RBM19: variants seen among roughly 807,000 people sequenced by gnomAD.
RBM19 encodes the protein probable RNA-binding protein 19.
In RBM19, 94 loss-of-function variants were observed where a neutral mutation model predicts 116.8. That is an observed-to-expected ratio of 0.80 (90% CI 0.68 to 0.95). The LOEUF (loss-of-function observed/expected upper bound fraction) is 0.95, where lower values mean the gene tolerates loss of function less well. Among genes scored for constraint, RBM19 ranks in the 40% least tolerant of loss-of-function variants. The probability of loss-of-function intolerance (pLI) is 0.00; values close to 1 mark genes in which losing one functional copy is unlikely to be tolerated. For synonymous variants in RBM19, 475 were observed against 494.1 expected (o/e 0.96, Z 0.51); for missense variants, 1,161 against 1,220.7 (o/e 0.95, Z 0.73).
intron 21 of RBM19, among the ~76,000 whole-genome samples, chr12:113,880,619 C>A (rs1593526451): frequency 6.6e-6 from 1 of 152,264 alleles, no homozygotes; most frequent in South Asian, 2.1e-4. Flanking sequence ...ACCTGACACT[C>A]CCCCTGCCTT....
intron 22 of RBM19, among the ~76,000 whole-genome samples, chr12:113,853,798 C>T (rs1877661196): frequency 6.6e-6 from 1 of 152,196 alleles, no homozygotes; most frequent in Non-Finnish European, 1.5e-5. Context: ...GTAGAGTGTG[C>T]TAGTGGGGGC....
rs375070506 is a variant in RBM19, at chr12:113,962,425, G to T, written c.37-11C>A. 1 of 1,610,646 alleles carries T rather than the reference G, an allele frequency of 6.2e-7. No individual in the cohort carries two copies. Among genetic ancestry groups the T allele is most frequent in the Non-Finnish European group, 8.5e-7 (1 of 1,177,200 alleles). ...ACGCTCCTCCTTCATCTAGGACAGA[G>T]GGAAAGGAATGAGAGACGAACTGGA... is the stretch of plus-strand genomic sequence containing the variant. On this transcript the variant is annotated splice_polypyrimidine_tract_variant and intron_variant, in intron 1 of 23. Coordinates refer to ENST00000261741, the MANE Select transcript of RBM19 (RefSeq NM_016196.4).
intron 22 of RBM19, among the ~76,000 whole-genome samples, chr12:113,856,801 AGG>A (rs1877942259): frequency 6.6e-6 from 1 of 152,184 alleles, no homozygotes; most frequent in Non-Finnish European, 1.5e-5. Context: ...GCCCGTATGT[AGG>A]GGCCAGGCCC....
intron 21 of RBM19, among the ~76,000 whole-genome samples, chr12:113,889,467 G>C (rs1295866525): frequency 6.6e-6 from 1 of 152,064 alleles, no homozygotes; most frequent in Non-Finnish European, 1.5e-5. Flanking sequence ...GGGAAATTTT[G>C]GGGGTAGCAA....
chr12:113,847,402 T>C (rs1877090181), intron 22 of RBM19, among the ~76,000 whole-genome samples: 1 of 152,202 alleles, frequency 6.6e-6, no homozygotes, highest in Non-Finnish European at 1.5e-5. Flanking sequence ...TCTGCATTTT[T>C]TTCCATGTGG....
At chr12:113,881,296 C>T (rs965530649) in intron 21 of RBM19, among the ~76,000 whole-genome samples, 9 of 152,186 alleles carry the variant, frequency 5.9e-5, no homozygotes, top group Admixed American at 3.3e-4. Flanking sequence ...AATAATTTAA[C>T]GATCTGTCGT....
chr12:113,910,629 G>A (rs959207264), intron 21 of RBM19, among the ~76,000 whole-genome samples: 7 of 152,296 alleles, frequency 4.6e-5, no homozygotes, highest in African/African-American at 1.4e-4. Context: ...CACCGTTACT[G>A]TCTGTACCCT....
rs1346209635 is a variant in RBM19 at position 113,942,438 on chromosome 12, T to C, written c.1627-4A>G. On this transcript the variant is annotated splice_polypyrimidine_tract_variant and splice_region_variant and intron_variant, in intron 13 of 23. Transcript: ENST00000261741. ...CGGCCACGCTGCCCTTGGTCTCCTG[T>C]GGAAGAGGAAAGGAAGAGTTCTGGT... is the stretch of plus-strand genomic sequence containing the variant. 4 of 1,601,522 alleles carry C rather than the reference T, an allele frequency of 2.5e-6. No individual in the cohort carries two copies. Among genetic ancestry groups the C allele is most frequent in the East Asian group, 2.2e-5 (1 of 44,614 alleles).
chr12:113,912,164 C>T (rs898440607), intron 21 of RBM19, among the ~76,000 whole-genome samples: 2 of 152,298 alleles, frequency 1.3e-5, no homozygotes, highest in South Asian at 2.1e-4. Context: ...ACTGCTGCCT[C>T]GGGCTAGGAG....
intron 23 of RBM19, among the ~76,000 whole-genome samples, chr12:113,828,534 G>A (rs932981448): frequency 6.6e-6 from 1 of 152,038 alleles, no homozygotes; most frequent in Non-Finnish European, 1.5e-5. Context: ...ACAGGTGGGC[G>A]AGGGGAGGAA....
At chr12:113,915,509 G>T (rs1345318432) in intron 20 of RBM19, among the ~76,000 whole-genome samples, 1 of 152,286 alleles carries the variant, frequency 6.6e-6, no homozygotes, top group Middle Eastern at 3.4e-3. Flanking sequence ...CCATGCAGAT[G>T]GACCAGGTGG....
intron 21 of RBM19, among the ~76,000 whole-genome samples, chr12:113,878,372 T>TTA (rs1392355829): frequency 6.6e-6 from 1 of 152,176 alleles, no homozygotes; most frequent in African/African-American, 2.4e-5. Flanking sequence ...CAATTGGTAA[T>TTA]TAGGGAGGTT....
chr12:113,830,378 A>G (rs1240135447), intron 23 of RBM19, among the ~76,000 whole-genome samples: 1 of 151,926 alleles, frequency 6.6e-6, no homozygotes, highest in African/African-American at 2.4e-5. Context: ...GATGTTATTA[A>G]TCTTGGTGCT....
intron 23 of RBM19, among the ~76,000 whole-genome samples, chr12:113,831,808 G>C (rs527826063): frequency 2.6e-5 from 4 of 152,320 alleles, no homozygotes; most frequent in Non-Finnish European, 5.9e-5. Flanking sequence ...CCAAAACACC[G>C]CCCAGCGAGG....
chr12:113,891,657 A>G (rs1880972779), intron 21 of RBM19, among the ~76,000 whole-genome samples: 1 of 152,222 alleles, frequency 6.6e-6, no homozygotes, highest in Non-Finnish European at 1.5e-5. Flanking sequence ...CTTAAAAAAA[A>G]TTCACTGACT....
intron 5 of RBM19, 27 bp downstream of exon 5, chr12:113,959,185 T>C: frequency 6.3e-7 from 1 of 1,593,906 alleles, no homozygotes; most frequent in Non-Finnish European, 8.6e-7. Context: ...TCCGTGCGCA[T>C]GGAGCACACA....
intron 21 of RBM19, among the ~76,000 whole-genome samples, chr12:113,909,998 G>A (rs1882329567): frequency 1.3e-5 from 2 of 152,174 alleles, no homozygotes; most frequent in Admixed American, 1.3e-4. Context: ...TAGGAAGGGA[G>A]AGAAGTGCAT....
intron 21 of RBM19, among the ~76,000 whole-genome samples, chr12:113,896,109 T>C (rs1235803984): frequency 3.9e-5 from 6 of 152,088 alleles, no homozygotes; most frequent in African/African-American, 1.4e-4. Context: ...TGACCACATA[T>C]TAGCATTTTT....
At chr12:113,860,442 T>C (rs769049860) in intron 21 of RBM19, among the ~76,000 whole-genome samples, 1 of 152,218 alleles carries the variant, frequency 6.6e-6, no homozygotes, top group Non-Finnish European at 1.5e-5. Context: ...TCTTGTAAGC[T>C]CGTTCAGATG....
Sources: allele counts gnomAD v4.1 joint callset (sites outside exome capture counted in the v4.1 genomes callset), GRCh38; gene constraint gnomAD v4.1.1; transcripts MANE v1.5; gene names NCBI Gene and HGNC (gene_info 2026-07-23, HGNC 2026-07-21).